Variants in VGLL4 observed in about 807,000 individuals in gnomAD.
VGLL4 encodes vestigial like family member 4.
A neutral mutation model predicts 21.0 loss-of-function variants in VGLL4; 7 were observed. That is an observed-to-expected ratio of 0.33 (90% CI 0.19 to 0.63). VGLL4 has a LOEUF of 0.63. VGLL4 is among the 20% of genes least tolerant of loss of function. The pLI is 0.78. For missense variants in VGLL4, 394 were observed against 425.7 expected (o/e 0.93, Z 0.66); for synonymous variants, 222 against 173.2 (o/e 1.28, Z -2.21).
intron 2 of VGLL4, among the ~76,000 whole-genome samples, chr3:11,592,172 C>G (rs2345343): frequency 0.79 from 120,221 of 151,988 alleles, 48,121 homozygotes; most frequent in Non-Finnish European, 0.86. Flanking sequence ...GGAAAAAAAA[C>G]ACATGTCTTC....
chr3:11,602,129 G>A (rs1428124754), intron 1 of VGLL4, 107 bp from the exon 2 acceptor site: 6 of 1,183,774 alleles, frequency 5.1e-6, no homozygotes, highest in Non-Finnish European at 6.7e-6. Context: ...TACTCCCAGT[G>A]GAAAGTTTTT....
At chr3:11,570,181 C>T (rs2073717980) in intron 2 of VGLL4, among the ~76,000 whole-genome samples, 10 of 152,106 alleles carry the variant, frequency 6.6e-5, no homozygotes, top group Admixed American at 6.6e-4. Flanking sequence ...GACATGCTGC[C>T]CACCACAGAC....
At chr3:11,644,715 G>A (rs546771611), upstream of VGLL4, among the ~76,000 whole-genome samples, 36 of 151,856 alleles carry the variant, frequency 2.4e-4, no homozygotes, top group African/African-American at 4.6e-4. Context: ...GTGTGGTAGC[G>A]CACGCCTGTA....
At chr3:11,585,214 T>A (rs1018839866) in intron 2 of VGLL4, among the ~76,000 whole-genome samples, 1 of 152,024 alleles carries the variant, frequency 6.6e-6, no homozygotes, top group East Asian at 1.9e-4. Context: ...GGCGGGCAGA[T>A]CACTTGAGGT....
intron 2 of VGLL4, among the ~76,000 whole-genome samples, chr3:11,681,488 C>A (rs998297335): frequency 7.9e-5 from 12 of 152,200 alleles, no homozygotes; most frequent in Non-Finnish European, 1.3e-4. Flanking sequence ...TACAGCCCGT[C>A]GGCTCATGGA....
intron 2 of VGLL4, among the ~76,000 whole-genome samples, chr3:11,682,175 A>AAGTG (rs2076381998): frequency 2.0e-5 from 3 of 152,052 alleles, no homozygotes; most frequent in Non-Finnish European, 4.4e-5. Context: ...AGGCTGAGGC[A>AAGTG]GGTGGATCAC....
intron 1 of VGLL4, 67 bp downstream of exon 1, chr3:11,643,370 A>C (rs2075732933): frequency 6.2e-7 from 1 of 1,612,238 alleles, no homozygotes; most frequent in African/African-American, 1.3e-5. Context: ...GAAGGCAGGC[A>C]CCCAGCACAC....
rs79021353 is a variant in VGLL4, at chr3:11,569,524, C to T, written c.273-4505G>A. ...GAGTAGAATGAAGGCTATGCAGAGA[C>T]ATCCCCCAAGCACCAGAGTCCAGGT... On this transcript the variant is annotated intron_variant, in intron 2 of 4. Coordinates refer to ENST00000430365, the MANE Select transcript of VGLL4 (RefSeq NM_001128219.3). 2.8e-4 allele frequency among the ~76,000 whole-genome samples: 42 copies of T among 152,352 alleles called. No homozygotes were observed. In the East Asian group the frequency reaches 7.3e-3, roughly 27 times the overall value.
In VGLL4 at chr3:11,613,001, G is replaced by C. The variant is rs114452931; in HGVS notation, c.83-10979C>G. 4.7e-3 allele frequency among the ~76,000 whole-genome samples: 722 copies of C among 152,182 alleles called. 7 individuals are homozygous for C. The highest frequency in any genetic ancestry group is 0.016 in the African/African-American group (671 of 41,502). On this transcript the variant is annotated intron_variant, in intron 1 of 4. Coordinates refer to ENST00000430365, the MANE Select transcript of VGLL4 (RefSeq NM_001128219.3). ...TATTGGAATCAGGCACTTTGCTGGG[G>C]GCTCAATTTCCTCCCTGGTAGAGCT...
chr3:11,714,467 G>T (rs1176570223), intron 1 of VGLL4, among the ~76,000 whole-genome samples: 2 of 151,636 alleles, frequency 1.3e-5, no homozygotes, highest in Non-Finnish European at 1.5e-5. Context: ...AAGGCAGGTG[G>T]ATCGCTTGAG....
At chr3:11,628,676 C>T (rs535939102) in intron 1 of VGLL4, among the ~76,000 whole-genome samples, 2 of 152,226 alleles carry the variant, frequency 1.3e-5, no homozygotes, top group South Asian at 2.1e-4. Context: ...AACATTTAGC[C>T]GGGCGTGGTG....
chr3:11,708,442 G>A (rs1423817157), intron 1 of VGLL4, among the ~76,000 whole-genome samples: 1 of 152,206 alleles, frequency 6.6e-6, no homozygotes, highest in Non-Finnish European at 1.5e-5. Context: ...CAAAAAAGCT[G>A]GGCAGGTGAT....
At chr3:11,582,535 G>A (rs1394122668) in intron 2 of VGLL4, 3 of 596,116 alleles carry the variant, frequency 5.0e-6, no homozygotes, top group Non-Finnish European at 5.8e-6. Context: ...TTTATAGAGG[G>A]TGCCTTGCCA....
intron 2 of VGLL4, among the ~76,000 whole-genome samples, chr3:11,648,976 T>C (rs7613596): frequency 0.5 from 75,768 of 152,058 alleles, 19,173 homozygotes; most frequent in East Asian, 0.59. Context: ...TAGACTGTTT[T>C]ATGAAAAATG....
At position 11,612,366 on chromosome 3, in the gene VGLL4, G is replaced by A. The variant is rs116595394; in HGVS notation, c.83-10344C>T. On this transcript the variant is annotated intron_variant, in intron 1 of 4. Coordinates refer to ENST00000430365, the MANE Select transcript of VGLL4 (RefSeq NM_001128219.3). ...CAACCTCCGTGGAATTGAGTAAGTG[G>A]GGTCAAACTAATGTCTTACTATACA... is the stretch of plus-strand genomic sequence containing the variant. Among the ~76,000 whole-genome samples, 138 of 152,242 alleles carry A rather than the reference G, an allele frequency of 9.1e-4. 1 individual carries two copies. Among genetic ancestry groups the A allele is most frequent in the African/African-American group, 3.2e-3 (134 of 41,538 alleles).
At chr3:11,630,892 G>A (rs567501274) in intron 1 of VGLL4, among the ~76,000 whole-genome samples, 1 of 152,116 alleles carries the variant, frequency 6.6e-6, no homozygotes, top group East Asian at 1.9e-4. Flanking sequence ...CTCTTAAAAT[G>A]GTTAAAATAA....
chr3:11,680,045 T>G (rs1467115330), intron 2 of VGLL4, among the ~76,000 whole-genome samples: 1 of 152,214 alleles, frequency 6.6e-6, no homozygotes, highest in Non-Finnish European at 1.5e-5. Flanking sequence ...GTATTTTTAC[T>G]GTAACTTTTC....
intron 1 of VGLL4, among the ~76,000 whole-genome samples, chr3:11,709,254 A>G (rs2076804206): frequency 6.6e-6 from 1 of 151,384 alleles, no homozygotes; most frequent in Non-Finnish European, 1.5e-5. Flanking sequence ...TGGCCAACAT[A>G]GAGAAACCCC....
intron 2 of VGLL4, among the ~76,000 whole-genome samples, chr3:11,702,455 C>CAAAAAAAA (rs56189603): frequency 3.5e-4 from 34 of 96,126 alleles, no homozygotes; most frequent in African/African-American, 6.6e-4. Context: ...ACTAAAAATA[C>CAAAAAAAA]AAAAAAAAAA....
Sources: allele counts gnomAD v4.1 joint callset (sites outside exome capture counted in the v4.1 genomes callset), GRCh38; gene constraint gnomAD v4.1.1; transcripts MANE v1.5; gene names NCBI Gene and HGNC (gene_info 2026-07-23, HGNC 2026-07-21).